The following SMYD3 variants were observed in gnomAD, a reference collection of about 807,000 sequenced individuals.
The protein encoded by SMYD3 is SET and MYND domain containing 3.
SMYD3 carries 36 observed loss-of-function variants against 57.7 expected under a neutral mutation model. That is an observed-to-expected ratio of 0.62 (90% CI 0.48 to 0.82). The LOEUF (loss-of-function observed/expected upper bound fraction) is 0.82, where lower values mean the gene tolerates loss of function less well. Ranked by LOEUF, SMYD3 falls within the 40% of genes least tolerant of loss-of-function variation. SMYD3 has a pLI of 0.00. For missense variants in SMYD3, 515 were observed against 538.8 expected (o/e 0.96, Z 0.44); for synonymous variants, 211 against 195.0 (o/e 1.08, Z -0.68).
At chr1:246,192,898 G>T (rs2333992) in intron 5 of SMYD3, among the ~76,000 whole-genome samples, 96,113 of 149,982 alleles carry the variant, frequency 0.64, 32,100 homozygotes, top group Admixed American at 0.74. Context: ...AAGGTAAAAG[G>T]TAAAGTCAAA....
intron 8 of SMYD3, among the ~76,000 whole-genome samples, chr1:245,881,350 G>A (rs1218883152): frequency 6.6e-6 from 1 of 152,186 alleles, no homozygotes; most frequent in African/African-American, 2.4e-5. Flanking sequence ...GTAGGTCTTG[G>A]TATGGGGAAG....
intron 8 of SMYD3, among the ~76,000 whole-genome samples, chr1:245,891,188 T>C (rs886429424): frequency 2.6e-5 from 4 of 152,184 alleles, no homozygotes; most frequent in Non-Finnish European, 5.9e-5. Flanking sequence ...TACAATAATT[T>C]ACTGTACATT....
At chr1:246,169,612 C>G (rs896738931) in intron 5 of SMYD3, among the ~76,000 whole-genome samples, 1 of 151,962 alleles carries the variant, frequency 6.6e-6, no homozygotes, top group African/African-American at 2.4e-5. Flanking sequence ...AGTTCCAGCT[C>G]TAAAGATACA....
At chr1:245,786,092 T>TA (rs1459822182) in intron 10 of SMYD3, among the ~76,000 whole-genome samples, 1 of 142,876 alleles carries the variant, frequency 7.0e-6, no homozygotes, top group African/African-American at 2.8e-5. Context: ...TTTTTTTTTT[T>TA]TAAAAAGCAA....
At chr1:245,894,357 T>C (rs375007890) in intron 8 of SMYD3, among the ~76,000 whole-genome samples, 2 of 151,888 alleles carry the variant, frequency 1.3e-5, no homozygotes, top group Non-Finnish European at 2.9e-5. Flanking sequence ...CAGCAGGACA[T>C]GGGTGGGGAC....
chr1:246,343,285 A>AC (rs1301006821), intron 2 of SMYD3, among the ~76,000 whole-genome samples: 3 of 152,236 alleles, frequency 2.0e-5, no homozygotes, highest in African/African-American at 7.2e-5. Context: ...ATTAATCAAA[A>AC]TATCAACACC....
intron 5 of SMYD3, among the ~76,000 whole-genome samples, chr1:246,114,365 A>G (rs2061307160): frequency 6.6e-6 from 1 of 152,188 alleles, no homozygotes; most frequent in South Asian, 2.1e-4. Flanking sequence ...GAGTCCTGAC[A>G]AGGTAAGTTA....
intron 5 of SMYD3, among the ~76,000 whole-genome samples, chr1:246,182,507 T>C (rs1158662550): frequency 1.3e-5 from 2 of 150,484 alleles, no homozygotes; most frequent in East Asian, 1.9e-4. Context: ...GCCACTTTCA[T>C]GCAAAGCTGG....
chr1:245,903,502 A>C (rs1010189969), intron 8 of SMYD3, among the ~76,000 whole-genome samples: 1 of 152,198 alleles, frequency 6.6e-6, no homozygotes, highest in Non-Finnish European at 1.5e-5. Flanking sequence ...ACAGAAAAAA[A>C]CACCTTCATG....
intron 7 of SMYD3, among the ~76,000 whole-genome samples, chr1:245,921,570 T>TAC (rs1553363010): frequency 6.8e-6 from 1 of 147,894 alleles, no homozygotes; most frequent in African/African-American, 2.5e-5. Context: ...TATATATATA[T>TAC]ACACATACCA....
At chr1:245,933,524 G>T (rs2056840475) in intron 5 of SMYD3, among the ~76,000 whole-genome samples, 1 of 152,084 alleles carries the variant, frequency 6.6e-6, no homozygotes, top group Non-Finnish European at 1.5e-5. Context: ...CTAGTGAGTT[G>T]TCATTGAGCC....
intron 10 of SMYD3, among the ~76,000 whole-genome samples, chr1:245,836,085 G>T (rs74745351): frequency 6.6e-6 from 1 of 152,054 alleles, no homozygotes; most frequent in Non-Finnish European, 1.5e-5. Context: ...CCTCATAGAC[G>T]TCTCCAAGAT....
At chr1:246,309,836 A>G (rs990565375) in intron 5 of SMYD3, among the ~76,000 whole-genome samples, 5 of 152,168 alleles carry the variant, frequency 3.3e-5, no homozygotes, top group African/African-American at 1.2e-4. Flanking sequence ...AATCTGGTGA[A>G]CTCCATTTAA....
At chr1:246,354,597 C>T (rs955616455) in intron 2 of SMYD3, among the ~76,000 whole-genome samples, 1 of 136,448 alleles carries the variant, frequency 7.3e-6, no homozygotes, top group African/African-American at 2.8e-5. Context: ...CAAAGTAGAT[C>T]GTTAAATGAA....
intron 1 of SMYD3, among the ~76,000 whole-genome samples, chr1:246,499,402 AC>A (rs1471511610): frequency 1.1e-4 from 2 of 18,714 alleles, no homozygotes; most frequent in Non-Finnish European, 1.9e-4. Context: ...CATCAAATAT[AC>A]ACACACACAC....
chr1:246,065,877 G>T (rs1321568313), intron 5 of SMYD3, among the ~76,000 whole-genome samples: 3 of 152,122 alleles, frequency 2.0e-5, no homozygotes, highest in African/African-American at 7.2e-5. Flanking sequence ...GCCACGTAGA[G>T]TTCACTCTTT....
At chr1:245,855,798 T>C (rs1483446428) in intron 10 of SMYD3, among the ~76,000 whole-genome samples, 2 of 152,188 alleles carry the variant, frequency 1.3e-5, no homozygotes, top group African/African-American at 2.4e-5. Context: ...AGCAGCACTT[T>C]CTCCTCTAAG....
chr1:245,806,103 C>A (rs529952917), intron 10 of SMYD3, among the ~76,000 whole-genome samples: 1 of 152,030 alleles, frequency 6.6e-6, no homozygotes, highest in Non-Finnish European at 1.5e-5. Context: ...ATGAAGAAGA[C>A]GGGGTCTTTC....
chr1:245,835,765 G>C, intron 10 of SMYD3, among the ~76,000 whole-genome samples: 1 of 152,160 alleles, frequency 6.6e-6, no homozygotes, highest in Non-Finnish European at 1.5e-5. Flanking sequence ...GGGATCATTA[G>C]GAAAAACAGG....
Sources: allele counts gnomAD v4.1 joint callset (sites outside exome capture counted in the v4.1 genomes callset), GRCh38; gene constraint gnomAD v4.1.1; transcripts MANE v1.5; gene names NCBI Gene and HGNC (gene_info 2026-07-23, HGNC 2026-07-21).